The following SNTG1 variants were observed in gnomAD, a reference collection of about 807,000 sequenced individuals.
The protein encoded by SNTG1 is syntrophin gamma 1.
Under a neutral mutation model 74.7 loss-of-function variants are expected in SNTG1, and 39 were observed. The ratio of observed to expected loss-of-function variants is 0.52; its 90% CI spans 0.40 to 0.68. SNTG1 has a LOEUF of 0.68. Among genes scored for constraint, SNTG1 ranks in the 30% least tolerant of loss-of-function variants. The pLI is 0.00. For synonymous variants in SNTG1, 254 were observed against 217.1 expected, an observed-to-expected ratio of 1.17 and a Z score of -1.49; for missense variants, 685 against 609.5, an observed-to-expected ratio of 1.12 and a Z score of -1.30.
chr8:50,398,976 A>C (rs139917065), intron 3 of SNTG1, among the ~76,000 whole-genome samples: 410 of 152,316 alleles, frequency 2.7e-3, no homozygotes, highest in Non-Finnish European at 4.0e-3. Context: ...TACGAATACT[A>C]TGAGGCCAGG....
intron 1 of SNTG1, among the ~76,000 whole-genome samples, chr8:50,071,050 G>A (rs1204963938): frequency 6.6e-6 from 1 of 152,154 alleles, no homozygotes; most frequent in African/African-American, 2.4e-5. Flanking sequence ...CTAAGGCCTG[G>A]ACCCATAAGC....
intron 3 of SNTG1, among the ~76,000 whole-genome samples, chr8:50,394,709 C>T (rs1487792045): frequency 6.6e-6 from 1 of 152,130 alleles, no homozygotes; most frequent in Admixed American, 6.5e-5. Context: ...GTAGAGCTGT[C>T]ATCACATTTC....
At chr8:50,604,111 G>T (rs936375605) in intron 13 of SNTG1, among the ~76,000 whole-genome samples, 2 of 152,168 alleles carry the variant, frequency 1.3e-5, no homozygotes, top group Admixed American at 6.5e-5. Flanking sequence ...AGGGGCCAGG[G>T]ACTAGAGTCA....
chr8:50,612,349 A>G (rs746654147), intron 13 of SNTG1, among the ~76,000 whole-genome samples: 3 of 152,200 alleles, frequency 2.0e-5, no homozygotes, highest in Non-Finnish European at 4.4e-5. Flanking sequence ...ATCCTTGACT[A>G]CTATATGAAT....
At chr8:50,100,643 A>T (rs1248953105) in intron 1 of SNTG1, among the ~76,000 whole-genome samples, 1 of 152,144 alleles carries the variant, frequency 6.6e-6, no homozygotes, top group African/African-American at 2.4e-5. Context: ...GGTAAGGCTA[A>T]GTTACTTTCT....
intron 1 of SNTG1, among the ~76,000 whole-genome samples, chr8:50,066,114 C>G (rs1267693724): frequency 6.6e-6 from 1 of 152,048 alleles, no homozygotes; most frequent in Non-Finnish European, 1.5e-5. Context: ...ACTCAGGAGG[C>G]TGAGGCAGGA....
At chr8:50,134,595 A>G (rs1472267306) in intron 1 of SNTG1, among the ~76,000 whole-genome samples, 1 of 152,176 alleles carries the variant, frequency 6.6e-6, no homozygotes, top group African/African-American at 2.4e-5. Context: ...CTTTTCTGTG[A>G]TGACAGGGAA....
At chr8:50,089,986 A>C (rs2079658819) in intron 1 of SNTG1, among the ~76,000 whole-genome samples, 1 of 152,268 alleles carries the variant, frequency 6.6e-6, no homozygotes, top group South Asian at 2.1e-4. Flanking sequence ...TATTCACAAT[A>C]TAATTTATTT....
chr8:50,705,154 T>G (rs2095439190), intron 16 of SNTG1, among the ~76,000 whole-genome samples: 1 of 152,148 alleles, frequency 6.6e-6, no homozygotes. Flanking sequence ...GCCTCCATCC[T>G]TCAAAGCCAC....
Position 50,761,821 on chromosome 8 carries a change from A to C in SNTG1, c.1395+9710A>C, listed in dbSNP as rs566159371. On this transcript the variant is annotated intron_variant, in intron 18 of 18. Coordinates refer to ENST00000642720, the MANE Select transcript of SNTG1 (RefSeq NM_018967.5). Reference sequence around the variant, plus strand: ...TAACTTAGTTTGACTTAGATTGTGAAGAATTCAAGAATGAAGTTTAACTTA... The same window carrying C: ...TAACTTAGTTTGACTTAGATTGTGACGAATTCAAGAATGAAGTTTAACTTA... Among the ~76,000 whole-genome samples the C allele has an allele frequency of 2.4e-4, 37 of 152,114 alleles. No individual in the cohort carries two copies. In the South Asian group the frequency reaches 4.8e-3, roughly 20 times the overall value.
chr8:50,025,835 G>A (rs1489070963), intron 1 of SNTG1, among the ~76,000 whole-genome samples: 1 of 152,136 alleles, frequency 6.6e-6, no homozygotes, highest in Non-Finnish European at 1.5e-5. Flanking sequence ...TCATGGTTAT[G>A]TGTTGGTATG....
chr8:50,060,877 G>C (rs1233818886), intron 1 of SNTG1, among the ~76,000 whole-genome samples: 1 of 151,976 alleles, frequency 6.6e-6, no homozygotes, highest in East Asian at 1.9e-4. Flanking sequence ...ATTTTTGCAT[G>C]TCAAACCAGC....
chr8:50,469,448 G>A (rs2131733307), intron 8 of SNTG1, among the ~76,000 whole-genome samples: 1 of 152,134 alleles, frequency 6.6e-6, no homozygotes, highest in South Asian at 2.1e-4. Flanking sequence ...AAACCTTCCA[G>A]AGGCTTCCCA....
chr8:50,265,699 A>T (rs892165532), intron 2 of SNTG1, among the ~76,000 whole-genome samples: 2 of 152,086 alleles, frequency 1.3e-5, no homozygotes, highest in Non-Finnish European at 2.9e-5. Context: ...TTCAGATGGC[A>T]TGATATTATA....
At chr8:50,214,063 G>T (rs2084654629) in intron 2 of SNTG1, among the ~76,000 whole-genome samples, 2 of 151,860 alleles carry the variant, frequency 1.3e-5, no homozygotes, top group Admixed American at 1.3e-4. Flanking sequence ...ATGGTTTAAG[G>T]TCTAATTTGC....
chr8:50,561,603 T>C (rs1162552259), intron 12 of SNTG1, among the ~76,000 whole-genome samples: 1 of 152,060 alleles, frequency 6.6e-6, no homozygotes, highest in Admixed American at 6.6e-5. Flanking sequence ...TGGGCTTAAA[T>C]ATATCTAGAT....
chr8:50,583,274 C>T (rs1011655272), intron 12 of SNTG1, among the ~76,000 whole-genome samples: 22 of 151,408 alleles, frequency 1.5e-4, no homozygotes, highest in African/African-American at 2.2e-4. Context: ...ATGGTGGCGG[C>T]GCCTATAATC....
chr8:50,200,939 T>C (rs535760707), intron 2 of SNTG1, among the ~76,000 whole-genome samples: 2 of 152,300 alleles, frequency 1.3e-5, no homozygotes, highest in East Asian at 3.9e-4. Context: ...AGTGTACAAA[T>C]CTTAATTTAT....
intron 1 of SNTG1, among the ~76,000 whole-genome samples, chr8:50,081,238 G>T (rs974470454): frequency 1.3e-5 from 2 of 150,650 alleles, no homozygotes; most frequent in Non-Finnish European, 2.9e-5. Flanking sequence ...AAAATTCTTT[G>T]TTGACAAATA....
Sources: allele counts gnomAD v4.1 joint callset (sites outside exome capture counted in the v4.1 genomes callset), GRCh38; gene constraint gnomAD v4.1.1; transcripts MANE v1.5; gene names NCBI Gene and HGNC (gene_info 2026-07-23, HGNC 2026-07-21).